The following RRAS2 variants were observed in gnomAD, a reference collection of about 807,000 sequenced individuals.
RRAS2 encodes the protein ras-related protein R-Ras2.
In RRAS2, 7 loss-of-function variants were observed where a neutral mutation model predicts 27.6. The ratio of observed to expected loss-of-function variants is 0.25; its 90% CI spans 0.14 to 0.48. RRAS2 has a LOEUF of 0.48. RRAS2 is among the 20% of genes least tolerant of loss of function. The probability of loss-of-function intolerance (pLI) is 0.99; values close to 1 mark genes in which losing one functional copy is unlikely to be tolerated. For synonymous variants in RRAS2, 86 were observed against 90.9 expected (o/e 0.95, Z 0.31); for missense variants, 178 against 256.2 (o/e 0.69, Z 2.08).
chr11:14,313,580 T>TCCAA (rs1237387005), intron 1 of RRAS2, among the ~76,000 whole-genome samples: 1 of 152,076 alleles, frequency 6.6e-6, no homozygotes, highest in Non-Finnish European at 1.5e-5. Context: ...TGGACCTAAA[T>TCCAA]CCAACCACTG....
intron 4 of RRAS2, among the ~76,000 whole-genome samples, chr11:14,293,915 G>T (rs185855467): frequency 2.5e-4 from 38 of 152,244 alleles, no homozygotes; most frequent in Non-Finnish European, 3.7e-4. Flanking sequence ...AGAAACAAGT[G>T]AGAATAAATT....
At position 14,358,802 on chromosome 11, in the gene RRAS2, G is replaced by T; in HGVS notation, c.69C>A (p.Gly23=). 6.7e-7 allele frequency: 1 copy of T among 1,486,668 alleles called. No homozygotes were observed. The highest frequency in any genetic ancestry group is 1.9e-5 in the Admixed American group (1 of 51,882). 92.1% of individuals were successfully genotyped at this position (1,486,668 alleles called of 1,614,324 possible). A position where few individuals can be genotyped will look rare whatever the true frequency, so the allele number is the denominator to read the frequency against. ...TGGTGAGCGCCGACTTGCCCACGCC[G>T]CCCCCGCCGACCACCACGAGCCGGT... The part of the protein sequence containing the change: ...EKYRLVVVGG[G]GVGKSALTIQ... Residue 23 remains glycine, a synonymous_variant, in exon 1 of 6, where the codon GGC becomes GGA. Coordinates refer to ENST00000256196, the MANE Select transcript of RRAS2 (RefSeq NM_012250.6). This position sits in a 1 kb window ranked among gnomAD's most constrained non-coding sequence, Gnocchi z 5.1.
chr11:14,360,829 G>A (rs1200695965), upstream of RRAS2, among the ~76,000 whole-genome samples: 3 of 151,952 alleles, frequency 2.0e-5, no homozygotes, highest in African/African-American at 7.3e-5. Flanking sequence ...GCTGAGGTGG[G>A]AGGATCACTT....
At chr11:14,363,125 G>A (rs577310211), upstream of RRAS2, among the ~76,000 whole-genome samples, 64 of 152,298 alleles carry the variant, frequency 4.2e-4, no homozygotes, top group African/African-American at 1.2e-3. Context: ...CTGGACTGGC[G>A]TTATCTGGCA....
At chr11:14,341,506 A>G (rs1165782684) in intron 1 of RRAS2, among the ~76,000 whole-genome samples, 4 of 152,166 alleles carry the variant, frequency 2.6e-5, no homozygotes, top group African/African-American at 4.8e-5. Context: ...ACATTCACGT[A>G]CAAGTTTTAT....
At position 14,359,124 on chromosome 11, in the gene RRAS2, C is replaced by G. The variant is rs1171193276; in HGVS notation, c.-254G>C. ...GGCAGCGGCCGGGGGGCGCGCTCCT[C>G]TACGCGTCTCCGCAGCGCCTGCCGA... On this transcript the variant is annotated 5_prime_UTR_variant, in exon 1 of 6. Transcript: ENST00000256196. 6 of 1,046,084 alleles carry G rather than the reference C, an allele frequency of 5.7e-6. No individual in the cohort carries two copies. The highest frequency in any genetic ancestry group is 3.4e-5 in the African/African-American group (2 of 58,806). 64.8% of individuals were successfully genotyped at this position (1,046,084 alleles called of 1,614,324 possible). A position where few individuals can be genotyped will look rare whatever the true frequency, so the allele number is the denominator to read the frequency against.
At chr11:14,292,364 C>G (rs561373909) in intron 4 of RRAS2, among the ~76,000 whole-genome samples, 4 of 152,038 alleles carry the variant, frequency 2.6e-5, no homozygotes, top group Non-Finnish European at 4.4e-5. Flanking sequence ...GATCCTATTT[C>G]TATATTCAGG....
chr11:14,291,628 C>A (rs1849819462), intron 4 of RRAS2, among the ~76,000 whole-genome samples: 1 of 151,888 alleles, frequency 6.6e-6, no homozygotes, highest in South Asian at 2.1e-4. Context: ...ATAAGGAAAT[C>A]ATTTCCTATA....
At chr11:14,335,947 C>T (rs1161007265) in intron 1 of RRAS2, among the ~76,000 whole-genome samples, 3 of 152,134 alleles carry the variant, frequency 2.0e-5, no homozygotes, top group Non-Finnish European at 4.4e-5. Flanking sequence ...CCAACAGACA[C>T]CAAAGAAAAA....
intron 1 of RRAS2, among the ~76,000 whole-genome samples, chr11:14,321,893 C>G (rs1044600235): frequency 2.0e-5 from 3 of 152,240 alleles, no homozygotes; most frequent in East Asian, 3.9e-4. Flanking sequence ...ATTCCTCGTA[C>G]TGTAATCATA....
chr11:14,314,549 T>C (rs1848050894), intron 1 of RRAS2, among the ~76,000 whole-genome samples: 1 of 152,172 alleles, frequency 6.6e-6, no homozygotes, highest in Non-Finnish European at 1.5e-5. Flanking sequence ...TTTCAAAAAA[T>C]AATTATCAAT....
At chr11:14,326,600 A>ATCTTTGT (rs1554951032) in intron 1 of RRAS2, among the ~76,000 whole-genome samples, 2 of 152,214 alleles carry the variant, frequency 1.3e-5, no homozygotes, top group Non-Finnish European at 2.9e-5. Context: ...ATATCTTTAT[A>ATCTTTGT]CCAGCTGACT....
Position 14,322,834 on chromosome 11 carries a change from A to T in RRAS2, c.109-26979T>A, listed in dbSNP as rs76091554. The stretch of plus-strand genomic sequence containing the variant: ...ACAAGTGAGCAAGAGGCTATAAAAA[A>T]TGACCATCAATCCAATCAAGACAAA... On this transcript the variant is annotated intron_variant, in intron 1 of 5. Transcript: ENST00000256196. Among the ~76,000 whole-genome samples, 4 of 152,250 alleles carry T rather than the reference A, an allele frequency of 2.6e-5. 1 individual carries two copies. Among genetic ancestry groups the T allele is most frequent in the African/African-American group, 9.6e-5 (4 of 41,478 alleles).
rs1849123517 is a variant in RRAS2 at position 14,358,222 on chromosome 11, A to G, written c.108+541T>C. ...ATTACCTAAGAGAGTACTTATAAAA[A>G]GAGCGTAACACACACACAAAGAAAT... On this transcript the variant is annotated intron_variant, in intron 1 of 5. Coordinates refer to ENST00000256196, the MANE Select transcript of RRAS2 (RefSeq NM_012250.6). This position sits in a 1 kb window ranked among gnomAD's most constrained non-coding sequence, Gnocchi z 5.1. The G allele has an allele frequency of 1.0e-6, 1 of 985,464 alleles. No individual in the cohort carries two copies. The allele number at this position is 985,464 out of a possible 1,614,324, so 61.0% of individuals were successfully genotyped here.
intron 1 of RRAS2, among the ~76,000 whole-genome samples, chr11:14,309,277 C>T (rs1847904143): frequency 1.3e-5 from 2 of 152,176 alleles, no homozygotes; most frequent in Non-Finnish European, 2.9e-5. Flanking sequence ...ATTTCCACAG[C>T]ACATGTTCTA....
chr11:14,284,026 A>G (rs1849606041), intron 4 of RRAS2, among the ~76,000 whole-genome samples: 1 of 151,480 alleles, frequency 6.6e-6, no homozygotes, highest in South Asian at 2.1e-4. Flanking sequence ...TGGTTTTACT[A>G]TTTTCCATTT....
chr11:14,279,668 A>G (rs1554944028), intron 5 of RRAS2, among the ~76,000 whole-genome samples: 1 of 152,226 alleles, frequency 6.6e-6, no homozygotes, highest in East Asian at 1.9e-4. Context: ...TACTAGACTC[A>G]GTAATCTCTA....
At chr11:14,343,625 G>A (rs989036221) in intron 1 of RRAS2, among the ~76,000 whole-genome samples, 22 of 152,174 alleles carry the variant, frequency 1.4e-4, no homozygotes, top group African/African-American at 4.3e-4. Flanking sequence ...CTCAGCCTGA[G>A]TTTGACAACA....
intron 1 of RRAS2, among the ~76,000 whole-genome samples, chr11:14,310,672 T>G (rs1554948745): frequency 6.6e-6 from 1 of 152,046 alleles, no homozygotes; most frequent in African/African-American, 2.4e-5. Context: ...TTAAGTAGGG[T>G]GACCATATAA....
Sources: allele counts gnomAD v4.1 joint callset (sites outside exome capture counted in the v4.1 genomes callset), GRCh38; gene constraint gnomAD v4.1.1; non-coding constraint Gnocchi (gnomAD v3.1); transcripts MANE v1.5; gene names NCBI Gene and HGNC (gene_info 2026-07-23, HGNC 2026-07-21).